UGGT2: variants seen among roughly 807,000 people sequenced by gnomAD.
UGGT2 encodes UDP-glucose:glycoprotein glucosyltransferase 2.
A neutral mutation model predicts 192.1 loss-of-function variants in UGGT2; 180 were observed. That is an observed-to-expected ratio of 0.94 (90% CI 0.83 to 1.06). The LOEUF (loss-of-function observed/expected upper bound fraction) is 1.06. Ranked by LOEUF, UGGT2 falls within the 50% of genes least tolerant of loss-of-function variation. UGGT2 has a pLI of 0.00. For synonymous variants in UGGT2, 580 were observed against 591.0 expected (o/e 0.98, Z 0.27); for missense variants, 1,849 against 1,795.7 (o/e 1.03, Z -0.54).
chr13:96,046,248 C>A (rs1178951266), intron 1 of UGGT2, among the ~76,000 whole-genome samples: 1 of 151,814 alleles, frequency 6.6e-6, no homozygotes, highest in African/African-American at 2.4e-5. Context: ...ACACTCTATT[C>A]AAAAAAATGG....
At chr13:95,878,603 G>A (rs529477991) in intron 27 of UGGT2, among the ~76,000 whole-genome samples, 47 of 152,152 alleles carry the variant, frequency 3.1e-4, no homozygotes, top group Non-Finnish European at 4.7e-4. Flanking sequence ...TACTTCATAT[G>A]AACAGCATAA....
chr13:95,894,558 T>A lies in UGGT2; in HGVS notation c.2855+4A>T. On this transcript the variant is annotated splice_donor_region_variant and intron_variant, in intron 24 of 38. Transcript: ENST00000376747. ...ATCACAAACAAATACGAATACATTCTTACCTGTGATTCTCCCTAAGAAATG... is the reference window on the plus strand; with the variant it reads ...ATCACAAACAAATACGAATACATTCATACCTGTGATTCTCCCTAAGAAATG... The A allele has an allele frequency of 6.2e-7, 1 of 1,608,922 alleles. No homozygotes were observed. Among genetic ancestry groups the A allele is most frequent in the Non-Finnish European group, 8.5e-7 (1 of 1,176,848 alleles).
Position 95,940,001 on chromosome 13 carries a change from A to C in UGGT2, c.1768T>G (p.Trp590Gly). The change falls in exon 16 of 39, where the codon TGG becomes GGG. Residue 590 changes from tryptophan to glycine, a missense_variant. By Grantham distance (184) the Trp-to-Gly change is radical. Transcript: ENST00000376747. ...TTAGAATGAATTCCCAAAATATCCC[A>C]AATATTAGCATGAGGAAATGTATTT... ...LQNTFPHANI[W>G]DILGIHSKYD... 1 of 1,601,548 alleles carries C rather than the reference A, an allele frequency of 6.2e-7. No homozygotes were observed.
chr13:95,884,710 T>A, intron 26 of UGGT2, 30 bp from the exon 27 acceptor site: 2 of 1,546,294 alleles, frequency 1.3e-6, no homozygotes, highest in Non-Finnish European at 1.7e-6. Flanking sequence ...ATACATAATG[T>A]GACCAAAACT....
intron 12 of UGGT2, among the ~76,000 whole-genome samples, chr13:95,961,400 A>C (rs1490560384): frequency 1.3e-5 from 2 of 152,194 alleles, no homozygotes; most frequent in African/African-American, 4.8e-5. Context: ...GAAGTAAAGG[A>C]ATGGAAAAAG....
At chr13:95,972,188 C>T (rs2050794340) in intron 11 of UGGT2, among the ~76,000 whole-genome samples, 1 of 149,066 alleles carries the variant, frequency 6.7e-6, no homozygotes, top group African/African-American at 2.5e-5. Flanking sequence ...CATTCAAATA[C>T]AAGCATTTTA....
intron 12 of UGGT2, among the ~76,000 whole-genome samples, chr13:95,963,167 T>G (rs1209296093): frequency 6.6e-6 from 1 of 151,958 alleles, no homozygotes; most frequent in East Asian, 1.9e-4. Context: ...AAAATACTAG[T>G]AAGCCAAATC....
At chr13:95,842,140 C>T (rs1887930506) in intron 36 of UGGT2, among the ~76,000 whole-genome samples, 1 of 152,138 alleles carries the variant, frequency 6.6e-6, no homozygotes, top group Non-Finnish European at 1.5e-5. Flanking sequence ...TTGAATATAG[C>T]TATCACCCTT....
chr13:95,846,674 T>C (rs556742495), intron 36 of UGGT2, among the ~76,000 whole-genome samples: 1 of 152,310 alleles, frequency 6.6e-6, no homozygotes, highest in East Asian at 1.9e-4. Context: ...TAAAGTTTGA[T>C]AGAATTCACT....
intron 20 of UGGT2, among the ~76,000 whole-genome samples, chr13:95,919,265 G>A (rs887456651): frequency 2.0e-5 from 3 of 152,120 alleles, no homozygotes; most frequent in Non-Finnish European, 4.4e-5. Context: ...ATATCATACT[G>A]AATGGGCAAA....
intron 4 of UGGT2, among the ~76,000 whole-genome samples, chr13:96,015,272 C>T (rs1330002393): frequency 8.4e-5 from 11 of 130,626 alleles, no homozygotes; most frequent in East Asian, 2.2e-4. Flanking sequence ...AGCAAGACTC[C>T]GTCTCAAAAA....
At chr13:95,946,591 G>C (rs761467995) in intron 15 of UGGT2, among the ~76,000 whole-genome samples, 4 of 151,824 alleles carry the variant, frequency 2.6e-5, no homozygotes, top group Non-Finnish European at 5.9e-5. Context: ...TGCTGGTCTC[G>C]AGCTGCTGGT....
intron 20 of UGGT2, among the ~76,000 whole-genome samples, chr13:95,920,563 C>T (rs2048813742): frequency 2.0e-5 from 3 of 152,080 alleles, no homozygotes; most frequent in African/African-American, 7.2e-5. Context: ...AGAAGATATA[C>T]ATGTGGCCAA....
At chr13:95,820,036 T>C (rs1349522024) in intron 38 of UGGT2, among the ~76,000 whole-genome samples, 6 of 152,262 alleles carry the variant, frequency 3.9e-5, no homozygotes, top group Non-Finnish European at 5.9e-5. Flanking sequence ...CACACACTTA[T>C]AATCTCACCT....
At chr13:95,841,944 C>A (rs1208172797) in intron 36 of UGGT2, among the ~76,000 whole-genome samples, 1 of 152,110 alleles carries the variant, frequency 6.6e-6, no homozygotes. Flanking sequence ...AAAGACTATT[C>A]TTTCCCCATT....
In UGGT2 at chr13:95,990,107, T is replaced by A. The variant is rs766913244; in HGVS notation, c.831-34A>T. ...AAATATTAAGTGATGTTAAGTAGCA[T>A]CACCTATCACAAACCATTATACAAA... On this transcript the variant is annotated intron_variant, in intron 7 of 38. Transcript: ENST00000376747. The A allele has an allele frequency of 8.5e-6, 12 of 1,409,384 alleles. No individual in the cohort carries two copies. The South Asian group carries it at 1.4e-4, about 17-fold the overall frequency. The allele number at this position is 1,409,384 out of a possible 1,614,324, so 87.3% of individuals were successfully genotyped here.
intron 4 of UGGT2, among the ~76,000 whole-genome samples, chr13:96,014,003 T>C (rs1818471438): frequency 1.3e-5 from 2 of 152,148 alleles, no homozygotes; most frequent in African/African-American, 4.8e-5. Flanking sequence ...CCAGGCACTG[T>C]GCTAGGTTCT....
intron 2 of UGGT2, among the ~76,000 whole-genome samples, chr13:96,027,934 T>G (rs1172720199): frequency 6.6e-6 from 1 of 152,200 alleles, no homozygotes; most frequent in Non-Finnish European, 1.5e-5. Context: ...CTTAATATTC[T>G]CCTGGCTTTC....
rs759088104 is a variant in UGGT2, at chr13:95,895,328, A to G, written c.2635-24T>C. ...AACTTAAAATAAAAACAGTTATATT[A>G]TCATATATCTTCTAGAAGATATCAG... On this transcript the variant is annotated intron_variant, in intron 22 of 38. Coordinates refer to ENST00000376747, the MANE Select transcript of UGGT2 (RefSeq NM_020121.4). 1.1e-5 allele frequency: 15 copies of G among 1,305,710 alleles called. 2 individuals are homozygous for G. The South Asian group carries it at 1.9e-4, about 17-fold the overall frequency. The allele number at this position is 1,305,710 out of a possible 1,614,324, so 80.9% of individuals were successfully genotyped here.
Sources: allele counts gnomAD v4.1 joint callset (sites outside exome capture counted in the v4.1 genomes callset), GRCh38; gene constraint gnomAD v4.1.1; transcripts MANE v1.5; gene names NCBI Gene and HGNC (gene_info 2026-07-23, HGNC 2026-07-21).